Variants in SLC4A7 observed in about 807,000 individuals in gnomAD.
SLC4A7 encodes sodium bicarbonate cotransporter 3.
In SLC4A7, 51 loss-of-function variants were observed where a neutral mutation model predicts 137.6. The observed-to-expected ratio is 0.37, with a 90% confidence interval of 0.30 to 0.47. The LOEUF (loss-of-function observed/expected upper bound fraction) is 0.47, where lower values mean the gene tolerates loss of function less well. Among genes scored for constraint, SLC4A7 ranks in the 20% least tolerant of loss-of-function variants. The pLI is 1.00. For missense variants in SLC4A7, 1,247 were observed against 1,525.4 expected, an observed-to-expected ratio of 0.82 and a Z score of 3.04; for synonymous variants, 542 against 518.6, an observed-to-expected ratio of 1.05 and a Z score of -0.61.
intron 1 of SLC4A7, among the ~76,000 whole-genome samples, chr3:27,459,974 TA>T: frequency 5.2e-5 from 5 of 95,426 alleles, no homozygotes; most frequent in Admixed American, 4.0e-4. Flanking sequence ...GTGTTATTTA[TA>T]TATATATATA....
chr3:27,434,123 A>T lies in SLC4A7; in HGVS notation c.590-19T>A. On this transcript the variant is annotated intron_variant, in intron 5 of 25. Coordinates refer to ENST00000454389, the MANE Select transcript of SLC4A7 (RefSeq NM_001321103.2). Reference sequence around the variant, plus strand: ...ACCATATCTATTCAATGAAAAAAAAAATAAATTACTAAACACTCAGATGAC... The same window carrying T: ...ACCATATCTATTCAATGAAAAAAAATATAAATTACTAAACACTCAGATGAC... 6.4e-7 allele frequency: 1 copy of T among 1,553,222 alleles called. No individual in the cohort carries two copies. The highest frequency in any genetic ancestry group is 1.4e-5 in the African/African-American group (1 of 72,292).
intron 1 of SLC4A7, among the ~76,000 whole-genome samples, chr3:27,465,725 C>T (rs958972546): frequency 2.6e-5 from 4 of 151,508 alleles, no homozygotes; most frequent in African/African-American, 4.9e-5. Flanking sequence ...TTTGAGAGGC[C>T]GAGGCGGACG....
chr3:27,475,615 G>A (rs956193298), intron 1 of SLC4A7, among the ~76,000 whole-genome samples: 20 of 151,994 alleles, frequency 1.3e-4, no homozygotes, highest in Non-Finnish European at 2.9e-4. Context: ...CCAAATGAAG[G>A]CCAATTTTAG....
intron 1 of SLC4A7, among the ~76,000 whole-genome samples, chr3:27,476,837 T>C (rs769202268): frequency 6.6e-6 from 1 of 152,168 alleles, no homozygotes; most frequent in Non-Finnish European, 1.5e-5. Context: ...TCTCAGGTAG[T>C]TCTTTATAGC....
intron 25 of SLC4A7, among the ~76,000 whole-genome samples, chr3:27,377,414 C>CAG (rs1176095015): frequency 6.6e-6 from 1 of 151,832 alleles, no homozygotes; most frequent in Non-Finnish European, 1.5e-5. Context: ...TTTTGAGAGA[C>CAG]AGAGTTTTGC....
intron 1 of SLC4A7, among the ~76,000 whole-genome samples, chr3:27,483,097 G>C (rs2059783233): frequency 6.6e-6 from 1 of 152,212 alleles, no homozygotes; most frequent in South Asian, 2.1e-4. Context: ...CGCCTTTGCT[G>C]GTTGCATAGT....
At chr3:27,465,011 G>A (rs891704047) in intron 1 of SLC4A7, among the ~76,000 whole-genome samples, 45 of 151,842 alleles carry the variant, frequency 3.0e-4, no homozygotes, top group African/African-American at 1.1e-3. Flanking sequence ...AATCTTTCCC[G>A]GCCGTGTGAC....
intron 11 of SLC4A7, among the ~76,000 whole-genome samples, chr3:27,413,577 T>C (rs1176897144): frequency 6.6e-6 from 1 of 152,222 alleles, no homozygotes; most frequent in African/African-American, 2.4e-5. Context: ...TCTATTCATA[T>C]GATTTACCAT....
chr3:27,478,446 G>A (rs1371873200), intron 1 of SLC4A7, among the ~76,000 whole-genome samples: 17 of 150,086 alleles, frequency 1.1e-4, no homozygotes, highest in African/African-American at 3.2e-4. Context: ...TGAACCCGGG[G>A]GACGGAGGTT....
At chr3:27,451,453 T>A (rs992698449) in intron 2 of SLC4A7, among the ~76,000 whole-genome samples, 30 of 152,102 alleles carry the variant, frequency 2.0e-4, no homozygotes, top group Non-Finnish European at 5.9e-5. Context: ...GGAACATTAC[T>A]TCTGTGGTAT....
At chr3:27,386,123 A>G (rs978381729) in intron 22 of SLC4A7, 100 bp from the exon 23 acceptor site, 2 of 911,124 alleles carry the variant, frequency 2.2e-6, no homozygotes, top group East Asian at 3.0e-5. Context: ...AAAATGCTTC[A>G]TATAGTTTAA....
chr3:27,447,013 G>T (rs574797100), intron 3 of SLC4A7, among the ~76,000 whole-genome samples: 2 of 150,170 alleles, frequency 1.3e-5, no homozygotes, highest in African/African-American at 2.4e-5. Context: ...CTCCCAAATA[G>T]GTGGGATTAC....
At chr3:27,429,868 C>CAAA (rs34059437) in intron 7 of SLC4A7, among the ~76,000 whole-genome samples, 1 of 127,240 alleles carries the variant, frequency 7.9e-6, no homozygotes, top group Non-Finnish European at 1.7e-5. Context: ...CCCGCCCAAG[C>CAAA]AAAAAAAAAA....
chr3:27,406,978 G>GA (rs1179751848), intron 13 of SLC4A7, among the ~76,000 whole-genome samples: 1 of 151,408 alleles, frequency 6.6e-6, no homozygotes, highest in South Asian at 2.1e-4. Context: ...TACATACAGA[G>GA]AAAAAAAGCA....
At chr3:27,452,195 A>C (rs1576558118) in intron 2 of SLC4A7, among the ~76,000 whole-genome samples, 1 of 152,138 alleles carries the variant, frequency 6.6e-6, no homozygotes, top group African/African-American at 2.4e-5. Flanking sequence ...TCAGTTTTCC[A>C]AGTTAAGGTA....
intron 1 of SLC4A7, among the ~76,000 whole-genome samples, chr3:27,462,053 A>G (rs1219397640): frequency 6.6e-6 from 1 of 151,892 alleles, no homozygotes; most frequent in Non-Finnish European, 1.5e-5. Context: ...CAACAAATGG[A>G]ATTTAAGACC....
rs112505240 is a variant in SLC4A7, at chr3:27,375,967, T to C, written c.*797A>G. 9 of 152,008 alleles carry C rather than the reference T, an allele frequency of 5.9e-5. No individual in the cohort carries two copies. The highest frequency in any genetic ancestry group is 4.6e-4 in the Admixed American group (7 of 15,248). 9.4% of individuals were successfully genotyped at this position (152,008 alleles called of 1,614,324 possible). A position where few individuals can be genotyped will look rare whatever the true frequency, so the allele number is the denominator to read the frequency against. On this transcript the variant is annotated 3_prime_UTR_variant, in exon 26 of 26. Transcript: ENST00000454389. ...AAGGCAGAGAACAGAGTGGGAATCATTGGCTTTAAAAGAGCATAAGGATTC... is the reference window on the plus strand; with the variant it reads ...AAGGCAGAGAACAGAGTGGGAATCACTGGCTTTAAAAGAGCATAAGGATTC...
chr3:27,437,408 A>G lies in SLC4A7; in HGVS notation c.408T>C (p.Tyr136=), dbSNP rs2029618. ...DELCYRDGEE[Y]EWKETARWLK... is the part of the protein sequence containing the mutation. The stretch of plus-strand genomic sequence containing the variant: ...ATTACCTAGCAGTTTCTTTCCATTC[A>G]TATTCTTCTCCATCTCTGTAACACA... The change falls in exon 4 of 26, where the codon TAT becomes TAC. Residue 136 remains tyrosine, a synonymous_variant. Coordinates refer to ENST00000454389, the MANE Select transcript of SLC4A7 (RefSeq NM_001321103.2). 0.12 allele frequency: 187,809 copies of G among 1,585,190 alleles called. 11,927 individuals carry two copies. The highest frequency in any genetic ancestry group is 0.2 in the Middle Eastern group (1,190 of 5,898).
Position 27,398,288 on chromosome 3 carries a change from T to C in SLC4A7, c.2493A>G (p.Pro831=). ...AGATGACACACCAAAAGAGCACATCTGGAATATAAGGTCCATGATGACCAC... is the reference window on the plus strand; with the variant it reads ...AGATGACACACCAAAAGAGCACATCCGGAATATAAGGTCCATGATGACCAC... The part of the protein sequence containing the change: ...SACGHHGPYI[P]DVLFWCVILF... The change falls in exon 17 of 26, where the codon CCA becomes CCG. Residue 831 remains proline (P), a synonymous_variant. Transcript: ENST00000454389. 1 of 1,613,286 alleles carries C rather than the reference T, an allele frequency of 6.2e-7. No individual in the cohort carries two copies. Among genetic ancestry groups the C allele is most frequent in the Non-Finnish European group, 8.5e-7 (1 of 1,179,408 alleles).
Sources: gnomAD v4.1 joint callset for allele counts (sites outside exome capture counted in the v4.1 genomes callset) on GRCh38, gnomAD v4.1.1 for gene constraint, MANE v1.5 for transcripts, NCBI Gene and HGNC (gene_info 2026-07-23, HGNC 2026-07-21) for gene names.